Variants in TMEM74 observed in about 807,000 individuals in gnomAD.
TMEM74 encodes transmembrane protein 74.
TMEM74 carries 13 observed loss-of-function variants against 18.1 expected under a neutral mutation model. The ratio of observed to expected loss-of-function variants is 0.72; its 90% CI spans 0.47 to 1.14. The LOEUF (loss-of-function observed/expected upper bound fraction) is 1.14, where lower values mean the gene tolerates loss of function less well. TMEM74 is among the 50% of genes most tolerant of loss of function. The pLI, the probability that TMEM74 is intolerant of heterozygous loss-of-function variation, is 0.00. For synonymous variants in TMEM74, 159 were observed against 146.6 expected (o/e 1.08, Z -0.61); for missense variants, 372 against 375.9 (o/e 0.99, Z 0.09).
chr8:108,635,305 G>A (rs1420019498), intron 2 of TMEM74, among the ~76,000 whole-genome samples: 1 of 151,640 alleles, frequency 6.6e-6, no homozygotes, highest in South Asian at 2.1e-4. Flanking sequence ...GTTCTCCCAG[G>A]CTTTCCACCA....
intron 1 of TMEM74, among the ~76,000 whole-genome samples, chr8:108,702,251 A>C (rs1442458532): frequency 6.6e-6 from 1 of 150,936 alleles, no homozygotes; most frequent in African/African-American, 2.4e-5. Context: ...GGCTGAGGCA[A>C]GGAGAATTGC....
At position 108,650,728 on chromosome 8, in the gene TMEM74, T is replaced by C. The variant is rs541031536; in HGVS notation, n.264+4565A>G. Reference sequence around the variant, plus strand: ...TTTATTTATTTATTTATTTATTTTTTAGATGAAGGCTTGCTCTTGTCCCCC... The same window carrying C: ...TTTATTTATTTATTTATTTATTTTTCAGATGAAGGCTTGCTCTTGTCCCCC... On this transcript the variant is annotated intron_variant and non_coding_transcript_variant, in intron 2 of 3. Coordinates refer to the TMEM74 transcript ENST00000518838. Among the ~76,000 whole-genome samples the C allele has an allele frequency of 1.4e-3, 215 of 152,264 alleles. 1 individual carries two copies. Among genetic ancestry groups the C allele is most frequent in the Non-Finnish European group, 1.8e-3 (124 of 68,030 alleles).
chr8:108,730,629 ACTTC>A (rs1454349897), intron 1 of TMEM74, among the ~76,000 whole-genome samples: 1 of 141,484 alleles, frequency 7.1e-6, no homozygotes, highest in African/African-American at 2.9e-5. Context: ...ATGTATGCAG[ACTTC>A]CTTTTTTTTT....
intron 2 of TMEM74, among the ~76,000 whole-genome samples, chr8:108,643,325 T>C (rs1206784880): frequency 2.0e-5 from 3 of 152,212 alleles, no homozygotes; most frequent in African/African-American, 7.2e-5. Context: ...GGTCCAAGGA[T>C]AACACTTTGA....
At chr8:108,672,684 G>A (rs781393599) in intron 1 of TMEM74, among the ~76,000 whole-genome samples, 2 of 152,180 alleles carry the variant, frequency 1.3e-5, no homozygotes, top group Non-Finnish European at 2.9e-5. Context: ...CAAGTCAAAG[G>A]ATTAAAATAT....
chr8:108,757,000 A>G (rs1204552141), intron 1 of TMEM74, among the ~76,000 whole-genome samples: 1 of 152,066 alleles, frequency 6.6e-6, no homozygotes, highest in Non-Finnish European at 1.5e-5. Flanking sequence ...TATTTTTCTC[A>G]ATAGACATCT....
intron 1 of TMEM74, among the ~76,000 whole-genome samples, chr8:108,769,328 C>T (rs1814145504): frequency 1.3e-5 from 2 of 151,940 alleles, no homozygotes; most frequent in Admixed American, 1.3e-4. Context: ...CTCTATCTTA[C>T]ACACACACAA....
chr8:108,657,299 A>G (rs1355750707), intron 1 of TMEM74, among the ~76,000 whole-genome samples: 2 of 152,034 alleles, frequency 1.3e-5, no homozygotes, highest in Non-Finnish European at 2.9e-5. Context: ...AAAGTTAACC[A>G]GACCTGGTCC....
chr8:108,653,185 A>C (rs1209155150), intron 2 of TMEM74: 1 of 159,636 alleles, frequency 6.3e-6, no homozygotes, highest in Non-Finnish European at 1.4e-5. Context: ...GAGTGGAAAT[A>C]ACTCTCATTT....
intron 2 of TMEM74, among the ~76,000 whole-genome samples, chr8:108,654,171 A>G (rs188927914): frequency 6.6e-6 from 1 of 152,238 alleles, no homozygotes; most frequent in Non-Finnish European, 1.5e-5. Context: ...AGTGGAAAAT[A>G]ACAATAAAGA....
chr8:108,642,432 T>A (rs963859257), intron 2 of TMEM74, among the ~76,000 whole-genome samples: 1 of 151,922 alleles, frequency 6.6e-6, no homozygotes, highest in Non-Finnish European at 1.5e-5. Flanking sequence ...TGTGTTCAAT[T>A]ATTTGTGTGA....
chr8:108,643,970 T>A (rs1318317354), intron 2 of TMEM74, among the ~76,000 whole-genome samples: 1 of 152,006 alleles, frequency 6.6e-6, no homozygotes, highest in African/African-American at 2.4e-5. Context: ...AAACTACCAA[T>A]GACATTTTTC....
chr8:108,651,605 G>A (rs1259049041), intron 2 of TMEM74, among the ~76,000 whole-genome samples: 1 of 151,966 alleles, frequency 6.6e-6, no homozygotes, highest in Non-Finnish European at 1.5e-5. Context: ...GAAGGATGAG[G>A]CAGAGGAGTA....
chr8:108,766,756 GA>G (rs1438516945), intron 1 of TMEM74, among the ~76,000 whole-genome samples: 7 of 152,164 alleles, frequency 4.6e-5, no homozygotes, highest in Non-Finnish European at 1.0e-4. Context: ...TGATCAGTCC[GA>G]GTCCCAAAAC....
chr8:108,744,380 T>C (rs1813829140), intron 1 of TMEM74, among the ~76,000 whole-genome samples: 2 of 152,076 alleles, frequency 1.3e-5, no homozygotes, highest in Non-Finnish European at 2.9e-5. Context: ...AGCTTAAGGG[T>C]GCCTCCGGGA....
At chr8:108,626,084 T>C (rs996563403) in intron 2 of TMEM74, among the ~76,000 whole-genome samples, 2 of 152,076 alleles carry the variant, frequency 1.3e-5, no homozygotes, top group Non-Finnish European at 2.9e-5. Flanking sequence ...TTCAGGCTTC[T>C]TAGTTAGATT....
chr8:108,697,569 C>T (rs1813292402), intron 1 of TMEM74, among the ~76,000 whole-genome samples: 1 of 152,114 alleles, frequency 6.6e-6, no homozygotes, highest in African/African-American at 2.4e-5. Flanking sequence ...AGGCTCATGC[C>T]ACCACACCTG....
chr8:108,751,207 C>T (rs1324872679), intron 1 of TMEM74, among the ~76,000 whole-genome samples: 1 of 152,032 alleles, frequency 6.6e-6, no homozygotes, highest in Non-Finnish European at 1.5e-5. Context: ...TGCACAACCT[C>T]CCCAACAAAA....
chr8:108,672,591 G>C (rs538403319), intron 1 of TMEM74, among the ~76,000 whole-genome samples: 81 of 152,280 alleles, frequency 5.3e-4, no homozygotes, highest in Non-Finnish European at 9.6e-4. Context: ...TGTTTGTTCT[G>C]TGTGAAACTC....
Sources: gnomAD v4.1 joint callset for allele counts (sites outside exome capture counted in the v4.1 genomes callset) on GRCh38, gnomAD v4.1.1 for gene constraint, MANE v1.5 for transcripts, NCBI Gene and HGNC (gene_info 2026-07-23, HGNC 2026-07-21) for gene names.